CCSER1: variants seen among roughly 807,000 people sequenced by gnomAD.
The protein encoded by CCSER1 is coiled-coil serine rich protein 1.
A neutral mutation model predicts 82.0 loss-of-function variants in CCSER1; 41 were observed. That is an observed-to-expected ratio of 0.50 (90% CI 0.39 to 0.65). The LOEUF (loss-of-function observed/expected upper bound fraction) is 0.65, where lower values mean the gene tolerates loss of function less well. Ranked by LOEUF, CCSER1 falls within the 30% of genes least tolerant of loss-of-function variation. CCSER1 has a pLI of 0.00. For missense variants in CCSER1, 1,119 were observed against 1,064.2 expected (o/e 1.05, Z -0.72); for synonymous variants, 414 against 383.9 (o/e 1.08, Z -0.92).
intron 10 of CCSER1, among the ~76,000 whole-genome samples, chr4:91,396,219 G>GGTAA (rs1751971214): frequency 6.6e-6 from 1 of 152,116 alleles, no homozygotes; most frequent in Admixed American, 6.6e-5. Context: ...ATTATATTGA[G>GGTAA]GTAACCATTA....
In CCSER1 at chr4:91,314,070, C is replaced by T. The variant is rs951528288; in HGVS notation, c.2217+228076C>T. 2.0e-5 allele frequency among the ~76,000 whole-genome samples: 3 copies of T among 151,912 alleles called. 1 individual carries two copies. The highest frequency in any genetic ancestry group is 1.3e-4 in the Admixed American group (2 of 15,206). ...ACATCTTCAAAACGGAATTCCTTAT[C>T]GTTTAGCTTCTCTTTCCTATTCCAT... On this transcript the variant is annotated intron_variant, in intron 10 of 10. Coordinates refer to ENST00000509176, the MANE Select transcript of CCSER1 (RefSeq NM_001145065.2).
At chr4:90,160,066 A>C (rs1729139317) in intron 1 of CCSER1, among the ~76,000 whole-genome samples, 1 of 152,290 alleles carries the variant, frequency 6.6e-6, no homozygotes, top group South Asian at 2.1e-4. Flanking sequence ...ACACTTGAAG[A>C]GGTTATGTAA....
intron 2 of CCSER1, 121 bp downstream of exon 2, chr4:90,309,729 G>C (rs1447088779): frequency 1.4e-6 from 1 of 713,634 alleles, no homozygotes. Context: ...CTTTCGAAAT[G>C]GTTTCCTATT....
At chr4:91,169,935 T>C (rs1732578880) in intron 10 of CCSER1, among the ~76,000 whole-genome samples, 1 of 152,206 alleles carries the variant, frequency 6.6e-6, no homozygotes, top group African/African-American at 2.4e-5. Context: ...TTTCAATTAG[T>C]GTTGGATTTG....
intron 9 of CCSER1, among the ~76,000 whole-genome samples, chr4:90,956,093 A>G (rs1581196797): frequency 6.6e-6 from 1 of 152,208 alleles, no homozygotes; most frequent in African/African-American, 2.4e-5. Context: ...TGCTGGACAC[A>G]TCATAAGTGT....
intron 10 of CCSER1, among the ~76,000 whole-genome samples, chr4:91,547,743 AT>A (rs959022753): frequency 3.3e-5 from 5 of 151,584 alleles, no homozygotes; most frequent in South Asian, 4.2e-4. Flanking sequence ...TTGCTTTTAT[AT>A]TTTTTTCCAA....
chr4:90,313,572 A>G (rs115993103), intron 3 of CCSER1, among the ~76,000 whole-genome samples: 288 of 152,238 alleles, frequency 1.9e-3, no homozygotes, highest in African/African-American at 6.3e-3. Flanking sequence ...GAGGTAATCA[A>G]GATACCCTAT....
intron 10 of CCSER1, among the ~76,000 whole-genome samples, chr4:91,386,920 A>C (rs957072055): frequency 6.6e-6 from 1 of 152,070 alleles, no homozygotes; most frequent in Admixed American, 6.6e-5. Flanking sequence ...ATGATAGAAA[A>C]AGAATGGATG....
intron 9 of CCSER1, among the ~76,000 whole-genome samples, chr4:90,971,787 G>A (rs1279246695): frequency 6.6e-6 from 1 of 151,832 alleles, no homozygotes; most frequent in Non-Finnish European, 1.5e-5. Context: ...TACAGTACAT[G>A]AAAGGATTAC....
In CCSER1 at chr4:90,931,971, G is replaced by C. The variant is rs540697237; in HGVS notation, c.2172+8524G>C. On this transcript the variant is annotated intron_variant, in intron 9 of 10. Coordinates refer to ENST00000509176, the MANE Select transcript of CCSER1 (RefSeq NM_001145065.2). ...GATTTTTAACTTATAAAAAGCCATA[G>C]AGAGCTAAAGGGAAAATATTCCATA... Among the ~76,000 whole-genome samples the C allele has an allele frequency of 2.6e-5, 4 of 152,174 alleles. No individual in the cohort carries two copies. In the East Asian group the frequency reaches 7.7e-4, roughly 29 times the overall value.
At chr4:90,154,386 T>G (rs1452470714) in intron 1 of CCSER1, among the ~76,000 whole-genome samples, 1 of 152,348 alleles carries the variant, frequency 6.6e-6, no homozygotes, top group East Asian at 1.9e-4. Flanking sequence ...CCATATGAAC[T>G]TTTAAGTAGT....
chr4:91,112,689 T>C (rs1473955741), intron 10 of CCSER1: 1 of 152,202 alleles, frequency 6.6e-6, no homozygotes, highest in Non-Finnish European at 1.5e-5. Context: ...TCTCAATTCG[T>C]GTTGAATGAG....
intron 3 of CCSER1, among the ~76,000 whole-genome samples, chr4:90,347,989 ATTATCT>A (rs1198354663): frequency 2.0e-5 from 3 of 152,174 alleles, no homozygotes; most frequent in Admixed American, 1.3e-4. Flanking sequence ...GCTGGAGGAC[ATTATCT>A]TTAGCAAGCT....
intron 5 of CCSER1, among the ~76,000 whole-genome samples, chr4:90,579,786 C>G (rs114017060): frequency 6.6e-6 from 1 of 151,280 alleles, no homozygotes; most frequent in Non-Finnish European, 1.5e-5. Context: ...CAGTTAATTC[C>G]GTGGTTGGCC....
Position 91,258,925 on chromosome 4 carries a change from T to C in CCSER1, c.2217+172931T>C, listed in dbSNP as rs569958324. ...TAGTACTTAATTACAGTACTATGTT[T>C]CTTCCTTTTCATACATCTATGAAGT... On this transcript the variant is annotated intron_variant, in intron 10 of 10. Coordinates refer to ENST00000509176, the MANE Select transcript of CCSER1 (RefSeq NM_001145065.2). Among the ~76,000 whole-genome samples the C allele has an allele frequency of 2.0e-5, 3 of 152,292 alleles. No homozygotes were observed. In the South Asian group the frequency reaches 6.2e-4, roughly 32 times the overall value.
intron 1 of CCSER1, among the ~76,000 whole-genome samples, chr4:90,188,010 C>T (rs1398997258): frequency 6.6e-6 from 1 of 151,900 alleles, no homozygotes; most frequent in African/African-American, 2.4e-5. Flanking sequence ...TTTCAATTTC[C>T]TACCACGTAT....
intron 10 of CCSER1, among the ~76,000 whole-genome samples, chr4:91,580,443 T>C (rs1437139316): frequency 6.6e-6 from 1 of 151,682 alleles, no homozygotes; most frequent in Non-Finnish European, 1.5e-5. Flanking sequence ...CTTTTATATA[T>C]GTGGAAATGG....
chr4:90,498,312 T>C (rs74877366), intron 5 of CCSER1, among the ~76,000 whole-genome samples: 2,132 of 152,304 alleles, frequency 0.014, 30 homozygotes, highest in Middle Eastern at 0.037. Flanking sequence ...AAATATCTTA[T>C]TGTTTGTAAT....
chr4:90,227,025 A>G lies in CCSER1; in HGVS notation c.-41-81219A>G, dbSNP rs536041705. Among the ~76,000 whole-genome samples the G allele has an allele frequency of 3.3e-5, 5 of 152,204 alleles. No homozygotes were observed. The South Asian group carries it at 1.0e-3, about 32-fold the overall frequency. On this transcript the variant is annotated intron_variant, in intron 1 of 10. Coordinates refer to ENST00000509176, the MANE Select transcript of CCSER1 (RefSeq NM_001145065.2). ...TTGTTCTCCATGTCCAATTCTTCTT[A>G]CCCTCTTTTTTCCCCCCACAAATGT...
Sources: allele counts gnomAD v4.1 joint callset (sites outside exome capture counted in the v4.1 genomes callset), GRCh38; gene constraint gnomAD v4.1.1; transcripts MANE v1.5; gene names NCBI Gene and HGNC (gene_info 2026-07-23, HGNC 2026-07-21).